Variants in ANK3 observed in about 807,000 individuals in gnomAD.
The protein encoded by ANK3 is ankyrin 3.
A neutral mutation model predicts 370.9 loss-of-function variants in ANK3; 57 were observed. The ratio of observed to expected loss-of-function variants is 0.15; its 90% confidence interval spans 0.12 to 0.19. The LOEUF is 0.19. ANK3 is among the 10% of genes least tolerant of loss of function. The probability of loss-of-function intolerance (pLI) is 1.00; values close to 1 mark genes in which losing one functional copy is unlikely to be tolerated. For missense variants in ANK3, 4,439 were observed against 5,302.1 expected (o/e 0.84, Z 5.06); for synonymous variants, 1,929 against 1,946.3 (o/e 0.99, Z 0.23).
chr10:60,643,613 A>C (rs2078667730), intron 1 of ANK3, among the ~76,000 whole-genome samples: 2 of 151,984 alleles, frequency 1.3e-5, no homozygotes, highest in Non-Finnish European at 2.9e-5. Context: ...CCTTCTAGGG[A>C]CCAACCTTTC....
chr10:60,235,285 T>C (rs2097311077), intron 7 of ANK3, among the ~76,000 whole-genome samples: 1 of 152,300 alleles, frequency 6.6e-6, no homozygotes, highest in East Asian at 1.9e-4. Flanking sequence ...CTATACATAG[T>C]CACATAACAT....
chr10:60,357,834 G>A (rs1402050524), intron 1 of ANK3, among the ~76,000 whole-genome samples: 2 of 151,974 alleles, frequency 1.3e-5, no homozygotes, highest in Non-Finnish European at 2.9e-5. Flanking sequence ...CTGCCACTCT[G>A]CCAACCTTCT....
chr10:60,309,207 A>G (rs1433784039), intron 1 of ANK3, among the ~76,000 whole-genome samples: 3 of 152,236 alleles, frequency 2.0e-5, no homozygotes, highest in Admixed American at 6.5e-5. Flanking sequence ...TGATTTTTAT[A>G]AGCCCAAATC....
intron 1 of ANK3, among the ~76,000 whole-genome samples, chr10:60,615,624 A>G (rs1179616359): frequency 1.3e-5 from 2 of 150,726 alleles, no homozygotes; most frequent in East Asian, 3.8e-4. Flanking sequence ...AAATGCTGGC[A>G]TCAGAAAACA....
At chr10:60,206,982 G>T (rs1344389258) in intron 10 of ANK3, among the ~76,000 whole-genome samples, 1 of 152,170 alleles carries the variant, frequency 6.6e-6, no homozygotes, top group Non-Finnish European at 1.5e-5. Context: ...AGAGGAAAAT[G>T]AGAGTGGGAG....
At chr10:60,580,662 T>C (rs1345032864) in intron 2 of ANK3, among the ~76,000 whole-genome samples, 1 of 152,214 alleles carries the variant, frequency 6.6e-6, no homozygotes, top group Admixed American at 6.5e-5. Context: ...TATTTAACTC[T>C]TGTAACATAG....
In ANK3 at chr10:60,075,661, C is replaced by T. The variant is rs762633244; in HGVS notation, c.5220G>A (p.Thr1740=). 9.3e-6 allele frequency: 15 copies of T among 1,613,924 alleles called. No individual in the cohort carries two copies. Among genetic ancestry groups the T allele is most frequent in the African/African-American group, 2.7e-5 (2 of 74,884 alleles). ...TAGCAGAAGAAATTTTTTCCTGTAA[C>T]GTGGCAGTGGCTTTGCATCCATTAA... is the stretch of plus-strand genomic sequence containing the variant. ...TLINGCKATA[T]LQEKISSATN... Residue 1740 remains threonine (T), a synonymous_variant, in exon 37 of 44, where the codon ACG becomes ACA. Transcript: ENST00000280772.
rs557432014 is a variant in ANK3 at position 60,505,650 on chromosome 10, G to GCA, written c.96+109534_96+109535dup. On this transcript the variant is annotated intron_variant, in intron 2 of 43. Coordinates refer to the ANK3 transcript ENST00000373827. ...TTCCTTATGCTACAAAATCCTTTTG[G>GCA]CAGAGGAGGATCCAGAGGTACAATG... 3.4e-3 allele frequency among the ~76,000 whole-genome samples: 510 copies of GCA among 152,006 alleles called. 4 individuals are homozygous for GCA. The highest frequency in any genetic ancestry group is 0.012 in the African/African-American group (496 of 41,456).
At chr10:60,123,378 T>C (rs115999942) in intron 25 of ANK3, among the ~76,000 whole-genome samples, 153 of 152,182 alleles carry the variant, frequency 1.0e-3, no homozygotes, top group African/African-American at 3.5e-3. Context: ...CTAGTCCTAT[T>C]CATCAGAGCA....
intron 2 of ANK3, among the ~76,000 whole-genome samples, chr10:60,442,774 T>C (rs568938164): frequency 2.0e-5 from 3 of 152,344 alleles, no homozygotes; most frequent in South Asian, 2.1e-4. Context: ...ATTTCTTACA[T>C]AGATTATAGC....
At chr10:60,526,488 T>TA (rs1450883763) in intron 2 of ANK3, among the ~76,000 whole-genome samples, 1 of 152,122 alleles carries the variant, frequency 6.6e-6, no homozygotes, top group Non-Finnish European at 1.5e-5. Flanking sequence ...CAGTGACTCA[T>TA]AAAAATGTCA....
rs185183388 is a variant in ANK3, at chr10:60,396,350, T to C, written c.97-116711A>G. Among the ~76,000 whole-genome samples, 183 of 152,298 alleles carry C rather than the reference T, an allele frequency of 1.2e-3. 3 individuals are homozygous for C. Among genetic ancestry groups the C allele is most frequent in the Admixed American group, 1.0e-3 (16 of 15,292 alleles). ...CAGCTGAATCAGGTATTTCACTCTA[T>C]TAGGGTAGTAATTCTCCAAAAATTG... is the stretch of plus-strand genomic sequence containing the variant. On this transcript the variant is annotated intron_variant, in intron 2 of 43. Transcript: ENST00000373827.
At chr10:60,051,811 G>C (rs2078099140) in intron 42 of ANK3, among the ~76,000 whole-genome samples, 1 of 149,680 alleles carries the variant, frequency 6.7e-6, no homozygotes, top group East Asian at 2.0e-4. Flanking sequence ...GTGTGTACAG[G>C]TAAAGATCAA....
At position 60,580,278 on chromosome 10, in the gene ANK3, C is replaced by G. The variant is rs1224024835; in HGVS notation, c.96+34908G>C. 2.0e-5 allele frequency among the ~76,000 whole-genome samples: 3 copies of G among 152,188 alleles called. No homozygotes were observed. The East Asian group carries it at 5.8e-4, about 29-fold the overall frequency. ...CAGAGGACTAAAGAAGACACAGCCT[C>G]TATTCTAAATCAAAGTGAGAAATGA... On this transcript the variant is annotated intron_variant, in intron 2 of 43. Transcript: ENST00000373827.
intron 42 of ANK3, chr10:60,044,055 G>A (rs1035546283): frequency 2.0e-6 from 2 of 985,532 alleles, no homozygotes; most frequent in African/African-American, 3.5e-5. Context: ...CATTCTCTTT[G>A]GCAATCCCTC....
intron 8 of ANK3, among the ~76,000 whole-genome samples, chr10:60,221,370 G>A (rs190949635): frequency 2.6e-5 from 4 of 152,146 alleles, no homozygotes; most frequent in Admixed American, 1.3e-4. Context: ...GTGAGCCATC[G>A]TGCCTGGCCT....
chr10:60,345,267 T>C (rs2055185298), intron 1 of ANK3, among the ~76,000 whole-genome samples: 3 of 152,144 alleles, frequency 2.0e-5, no homozygotes, highest in Non-Finnish European at 2.9e-5. Context: ...TCATTTTTCA[T>C]GTAACTCATT....
chr10:60,363,007 T>C (rs61846515), intron 1 of ANK3, among the ~76,000 whole-genome samples: 3,919 of 148,794 alleles, frequency 0.026, 76 homozygotes, highest in Middle Eastern at 0.055. Context: ...CCGTTTTCTT[T>C]TGCTACCCTT....
rs764717812 is a variant in ANK3, at chr10:60,073,398, A to T, written c.7483T>A (p.Leu2495Ile). Residue 2495 changes from leucine to isoleucine, a missense_variant, in exon 37 of 44, where the codon TTA (leucine) becomes ATA (isoleucine). This residue lies in a region of ANK3 where 1,601 missense variants were observed against 1,731.7 expected (regional missense o/e 0.92). Transcript: ENST00000280772. ...TDHAGPPSSE[L>I]QGSDKRSREK... ...CTGGACCGCTTATCAGACCCCTGTAACTCTGAGCTAGGGGGTCCTGCATGG... is the reference window on the plus strand; with the variant it reads ...CTGGACCGCTTATCAGACCCCTGTATCTCTGAGCTAGGGGGTCCTGCATGG... The T allele has an allele frequency of 1.2e-6, 2 of 1,613,652 alleles. No homozygotes were observed. The highest frequency in any genetic ancestry group is 1.7e-6 in the Non-Finnish European group (2 of 1,179,954).
Sources: allele counts gnomAD v4.1 joint callset (sites outside exome capture counted in the v4.1 genomes callset), GRCh38; gene constraint gnomAD v4.1.1; regional missense constraint gnomAD v4.1.1; transcripts MANE v1.5; gene names NCBI Gene and HGNC (gene_info 2026-07-23, HGNC 2026-07-21).